KAZN: variants seen among roughly 807,000 people sequenced by gnomAD.
KAZN encodes the protein kazrin.
Under a neutral mutation model 87.4 loss-of-function variants are expected in KAZN, and 40 were observed. That is an observed-to-expected ratio of 0.46 (90% CI 0.36 to 0.60). The LOEUF (loss-of-function observed/expected upper bound fraction) is 0.60. Ranked by LOEUF, KAZN falls within the 20% of genes least tolerant of loss-of-function variation. KAZN has a pLI of 0.00. For missense variants in KAZN, 898 were observed against 1,073.9 expected (o/e 0.84, Z 2.29); for synonymous variants, 466 against 458.3 (o/e 1.02, Z -0.22).
chr1:14,461,520 T>C (rs1354115631), intron 2 of KAZN, among the ~76,000 whole-genome samples: 4 of 152,214 alleles, frequency 2.6e-5, no homozygotes, highest in Non-Finnish European at 5.9e-5. Context: ...ATCAAACCTT[T>C]TTTTCTTTAT....
chr1:13,958,446 C>T (rs1407503780), intron 1 of KAZN, among the ~76,000 whole-genome samples: 1 of 151,376 alleles, frequency 6.6e-6, no homozygotes, highest in Non-Finnish European at 1.5e-5. Flanking sequence ...TAGTGGCGGG[C>T]ACCTGTAGTC....
chr1:14,092,187 T>C (rs1218318733), intron 1 of KAZN, among the ~76,000 whole-genome samples: 1 of 148,062 alleles, frequency 6.8e-6, no homozygotes, highest in Non-Finnish European at 1.5e-5. Context: ...GCCTCCCGGG[T>C]TCATGAAATT....
intron 1 of KAZN, among the ~76,000 whole-genome samples, chr1:14,021,045 G>A (rs1000512580): frequency 6.6e-6 from 1 of 152,156 alleles, no homozygotes; most frequent in African/African-American, 2.4e-5. Context: ...TTAACTCTTA[G>A]CCAAGCCAGG....
At chr1:14,528,413 C>G (rs1276398824) in intron 2 of KAZN, among the ~76,000 whole-genome samples, 1 of 150,956 alleles carries the variant, frequency 6.6e-6, no homozygotes, top group African/African-American at 2.4e-5. Context: ...CTGCCACACG[C>G]TGACCTCTAG....
At chr1:13,916,539 T>G (rs530167346) in intron 1 of KAZN, among the ~76,000 whole-genome samples, 4 of 152,228 alleles carry the variant, frequency 2.6e-5, no homozygotes, top group African/African-American at 7.2e-5. Context: ...CATTTAGAAG[T>G]GGCCAGGACG....
chr1:14,942,463 A>G (rs933194388), intron 1 of KAZN, among the ~76,000 whole-genome samples: 12 of 152,218 alleles, frequency 7.9e-5, no homozygotes, highest in South Asian at 2.1e-4. Flanking sequence ...ACCCGCTCCA[A>G]ACGTTAACAC....
chr1:14,846,889 A>C (rs1029703230), intron 1 of KAZN, among the ~76,000 whole-genome samples: 6 of 152,184 alleles, frequency 3.9e-5, no homozygotes, highest in African/African-American at 1.2e-4. Context: ...CACAGCCAGC[A>C]AGCAGCAGAC....
chr1:14,384,852 C>T (rs1661725052), intron 2 of KAZN, among the ~76,000 whole-genome samples: 2 of 151,882 alleles, frequency 1.3e-5, no homozygotes, highest in Admixed American at 1.3e-4. Flanking sequence ...GGGAGGAATC[C>T]CTCTTTTTCT....
intron 2 of KAZN, among the ~76,000 whole-genome samples, chr1:14,583,538 G>A (rs1003495549): frequency 6.6e-6 from 1 of 152,304 alleles, no homozygotes; most frequent in Non-Finnish European, 1.5e-5. Flanking sequence ...CCTTTCAGAG[G>A]GGTCCCAAAT....
At chr1:14,781,253 C>T (rs1397548537) in intron 1 of KAZN, among the ~76,000 whole-genome samples, 1 of 152,176 alleles carries the variant, frequency 6.6e-6, no homozygotes, top group African/African-American at 2.4e-5. Context: ...ACCCAGGAGG[C>T]GGAGCTTGCA....
At chr1:14,880,890 G>T (rs1021234803) in intron 1 of KAZN, among the ~76,000 whole-genome samples, 2 of 152,214 alleles carry the variant, frequency 1.3e-5, no homozygotes, top group Non-Finnish European at 2.9e-5. Flanking sequence ...GCCTGTCCCA[G>T]TGGAATATGA....
intron 8 of KAZN, among the ~76,000 whole-genome samples, chr1:15,091,583 C>T (rs940955605): frequency 2.8e-4 from 42 of 152,176 alleles, no homozygotes; most frequent in Admixed American, 1.4e-3. Flanking sequence ...ATCTTCTGAC[C>T]TCGTGATCTA....
intron 2 of KAZN, among the ~76,000 whole-genome samples, chr1:14,436,734 A>AAAAAAAAAAAAAAAAAAAC (rs563539375): frequency 7.3e-6 from 1 of 137,368 alleles, no homozygotes; most frequent in Non-Finnish European, 1.5e-5. Flanking sequence ...AAAAAAAAAA[A>AAAAAAAAAAAAAAAAAAAC]AAAACCTTAA....
In KAZN at chr1:15,066,412, G is replaced by A. The variant is rs1218993955; in HGVS notation, c.1222+659G>A. The stretch of plus-strand genomic sequence containing the variant: ...GCCCAAGTCACTTTAACCACAAAAC[G>A]CCATCGTCGTCAGGGTAAGCTCTGC... On this transcript the variant is annotated intron_variant, in intron 8 of 14. Coordinates refer to ENST00000376030, the MANE Select transcript of KAZN (RefSeq NM_201628.3). The surrounding 1 kb of genome is among the most constrained non-coding windows in gnomAD (Gnocchi z 4.3). 4.1e-6 allele frequency: 4 copies of A among 982,876 alleles called. No individual in the cohort carries two copies. Among genetic ancestry groups the A allele is most frequent in the South Asian group, 4.7e-5 (1 of 21,206 alleles). The allele number at this position is 982,876 out of a possible 1,614,324, so 60.9% of individuals were successfully genotyped here.
At chr1:14,630,492 G>T (rs1290445290) in intron 1 of KAZN, among the ~76,000 whole-genome samples, 1 of 152,094 alleles carries the variant, frequency 6.6e-6, no homozygotes, top group Non-Finnish European at 1.5e-5. Flanking sequence ...TTCAAGACCA[G>T]CCTGGGCAAT....
At chr1:14,568,411 G>T (rs1200514099) in intron 2 of KAZN, among the ~76,000 whole-genome samples, 2 of 152,162 alleles carry the variant, frequency 1.3e-5, no homozygotes. Flanking sequence ...AAGAAAAAGA[G>T]GTTCAGTGGA....
At chr1:14,660,836 C>A (rs1025039904) in intron 1 of KAZN, among the ~76,000 whole-genome samples, 1 of 152,152 alleles carries the variant, frequency 6.6e-6, no homozygotes, top group Non-Finnish European at 1.5e-5. Flanking sequence ...TAAGATCCTC[C>A]TCATTTATGT....
At chr1:14,667,806 C>CAAA (rs33915856) in intron 1 of KAZN, among the ~76,000 whole-genome samples, 6 of 115,770 alleles carry the variant, frequency 5.2e-5, no homozygotes, top group Admixed American at 4.8e-4. Flanking sequence ...GATGAGTTCT[C>CAAA]AAAAAAAAAA....
At chr1:14,146,703 C>G (rs1295857640) in intron 1 of KAZN, among the ~76,000 whole-genome samples, 1 of 81,664 alleles carries the variant, frequency 1.2e-5, no homozygotes, top group Non-Finnish European at 2.2e-5. Context: ...TTGATCATCT[C>G]AGAAAAAAAA....
Sources: gnomAD v4.1 joint callset for allele counts (sites outside exome capture counted in the v4.1 genomes callset) on GRCh38, gnomAD v4.1.1 for gene constraint, Gnocchi (gnomAD v3.1) non-coding constraint, MANE v1.5 for transcripts, NCBI Gene and HGNC (gene_info 2026-07-23, HGNC 2026-07-21) for gene names.